The following RASSF8 variants were observed in gnomAD, a reference collection of about 807,000 sequenced individuals.
The protein encoded by RASSF8 is Ras association domain family member 8.
RASSF8 carries 22 observed loss-of-function variants against 48.5 expected under a neutral mutation model. The observed-to-expected ratio is 0.45, with a 90% CI of 0.32 to 0.65. RASSF8 has a LOEUF of 0.65. Among genes scored for constraint, RASSF8 ranks in the 30% least tolerant of loss-of-function variants. The pLI, the probability that RASSF8 is intolerant of heterozygous loss-of-function variation, is 0.03. For synonymous variants in RASSF8, 127 were observed against 171.5 expected, an observed-to-expected ratio of 0.74 and a Z score of 2.03; for missense variants, 418 against 489.2, an observed-to-expected ratio of 0.85 and a Z score of 1.37.
At chr12:26,066,660 C>T (rs952089193) in intron 4 of RASSF8, among the ~76,000 whole-genome samples, 2 of 152,186 alleles carry the variant, frequency 1.3e-5, no homozygotes, top group Non-Finnish European at 2.9e-5. Context: ...GCAAATCCCT[C>T]TACCCACTGA....
At chr12:26,025,905 ACATCT>A (rs1162926363) in intron 2 of RASSF8, among the ~76,000 whole-genome samples, 1 of 152,140 alleles carries the variant, frequency 6.6e-6, no homozygotes, top group Non-Finnish European at 1.5e-5. Flanking sequence ...AAAAAAAAAG[ACATCT>A]CATGTTCATG....
chr12:25,999,273 C>T (rs1426646901), intron 2 of RASSF8, among the ~76,000 whole-genome samples: 1 of 152,158 alleles, frequency 6.6e-6, no homozygotes, highest in Non-Finnish European at 1.5e-5. Context: ...ACTTTTTCCA[C>T]CAAACCATGC....
At position 26,069,989 on chromosome 12, in the gene RASSF8, T is replaced by C; in HGVS notation, c.*1171T>C. ...CCATTTGTACATATGTTATTTTATT[T>C]GTAAAACCAAATATGACTCAACACC... On this transcript the variant is annotated 3_prime_UTR_variant, in exon 6 of 6. Coordinates refer to ENST00000689635, the MANE Select transcript of RASSF8 (RefSeq NM_001394098.1). 1 of 976,178 alleles carries C rather than the reference T, an allele frequency of 1.0e-6. No homozygotes were observed. The highest frequency in any genetic ancestry group is 1.2e-6 in the Non-Finnish European group (1 of 821,498). The allele number at this position is 976,178 out of a possible 1,614,324, so 60.5% of individuals were successfully genotyped here. A position where few individuals can be genotyped will look rare whatever the true frequency, so the allele number is the denominator to read the frequency against.
chr12:26,060,401 A>G (rs1484258695), intron 3 of RASSF8, among the ~76,000 whole-genome samples: 2 of 152,198 alleles, frequency 1.3e-5, no homozygotes, highest in Non-Finnish European at 2.9e-5. Context: ...GGTAAGAGTT[A>G]TTTTAGTAGT....
At chr12:26,010,806 A>T (rs1942505130) in intron 2 of RASSF8, among the ~76,000 whole-genome samples, 1 of 152,006 alleles carries the variant, frequency 6.6e-6, no homozygotes, top group Non-Finnish European at 1.5e-5. Context: ...CTGAGGGACA[A>T]CGTGAGAGAC....
intron 2 of RASSF8, among the ~76,000 whole-genome samples, chr12:26,037,646 CA>C (rs1443596893): frequency 6.6e-6 from 1 of 152,184 alleles, no homozygotes; most frequent in Non-Finnish European, 1.5e-5. Context: ...AAGCTTAGCA[CA>C]GTGAATTCAG....
chr12:26,005,147 T>C (rs1942358143), intron 2 of RASSF8, among the ~76,000 whole-genome samples: 1 of 149,848 alleles, frequency 6.7e-6, no homozygotes, highest in Non-Finnish European at 1.5e-5. Context: ...TGTGTCTTTT[T>C]AAATTTTTAC....
intron 2 of RASSF8, among the ~76,000 whole-genome samples, chr12:26,041,681 A>G (rs1943269210): frequency 6.6e-6 from 1 of 152,180 alleles, no homozygotes; most frequent in Non-Finnish European, 1.5e-5. Context: ...AAACATATAT[A>G]TATACACACA....
chr12:25,974,386 C>T (rs1941555480), intron 1 of RASSF8, among the ~76,000 whole-genome samples: 1 of 151,926 alleles, frequency 6.6e-6, no homozygotes, highest in African/African-American at 2.4e-5. Context: ...TGGAAGTCCA[C>T]ATTGAATTGG....
At chr12:25,962,489 T>A (rs752585670) in intron 1 of RASSF8, among the ~76,000 whole-genome samples, 3 of 152,236 alleles carry the variant, frequency 2.0e-5, no homozygotes, top group Admixed American at 6.5e-5. Context: ...TAGGTTAATA[T>A]GAAGTTGATA....
intron 1 of RASSF8, among the ~76,000 whole-genome samples, chr12:25,988,792 A>G (rs2136937465): frequency 6.6e-6 from 1 of 152,276 alleles, no homozygotes; most frequent in East Asian, 1.9e-4. Flanking sequence ...ATGGGATGGG[A>G]TTCCATGGTA....
At chr12:26,004,470 A>G (rs939336139) in intron 2 of RASSF8, among the ~76,000 whole-genome samples, 13 of 152,310 alleles carry the variant, frequency 8.5e-5, no homozygotes, top group African/African-American at 4.8e-5. Context: ...AACTCTGCAT[A>G]TAACTCTTGA....
chr12:26,009,153 G>A (rs374197295), intron 2 of RASSF8, among the ~76,000 whole-genome samples: 37 of 152,270 alleles, frequency 2.4e-4, no homozygotes, highest in South Asian at 8.3e-4. Context: ...GCTCACCGAC[G>A]TGTTAGGATA....
intron 1 of RASSF8, among the ~76,000 whole-genome samples, chr12:25,967,264 C>A (rs748538692): frequency 6.6e-6 from 1 of 152,080 alleles, no homozygotes; most frequent in Non-Finnish European, 1.5e-5. Context: ...CCTACTCAGA[C>A]ATTCCTTCTC....
At chr12:25,966,014 T>G (rs1034149004) in intron 1 of RASSF8, among the ~76,000 whole-genome samples, 1 of 152,248 alleles carries the variant, frequency 6.6e-6, no homozygotes, top group Non-Finnish European at 1.5e-5. Context: ...AAGTATTGTA[T>G]AGACATATAC....
chr12:26,067,109 A>T (rs574534606), intron 4 of RASSF8, among the ~76,000 whole-genome samples: 2 of 152,374 alleles, frequency 1.3e-5, no homozygotes, highest in East Asian at 3.9e-4. Context: ...CTTTGTAGTT[A>T]TAAGTTAATA....
chr12:26,034,302 T>C (rs921698830), intron 2 of RASSF8, among the ~76,000 whole-genome samples: 2 of 151,876 alleles, frequency 1.3e-5, no homozygotes, highest in African/African-American at 4.8e-5. Flanking sequence ...AGCCCTATGG[T>C]CTGTCTAGGA....
intron 3 of RASSF8, among the ~76,000 whole-genome samples, chr12:26,061,404 A>G (rs1014494500): frequency 3.3e-5 from 5 of 152,184 alleles, no homozygotes; most frequent in Admixed American, 1.3e-4. Flanking sequence ...TTTCTTCAGT[A>G]TATAAATTTA....
In RASSF8 at chr12:25,986,058, A is replaced by G. The variant is rs549214805; in HGVS notation, c.-202-8979A>G. Among the ~76,000 whole-genome samples the G allele has an allele frequency of 5.3e-5, 8 of 152,320 alleles. No homozygotes were observed. The East Asian group carries it at 5.8e-4, about 11-fold the overall frequency. On this transcript the variant is annotated intron_variant, in intron 1 of 5. Coordinates refer to ENST00000689635, the MANE Select transcript of RASSF8 (RefSeq NM_001394098.1). ...GAAGTGTTTGGTGAAGTTTTTTTCT[A>G]TGCTGGCTTGTAGCAAGTGATTCTC... is the stretch of plus-strand genomic sequence containing the variant.
Sources: allele counts gnomAD v4.1 joint callset (sites outside exome capture counted in the v4.1 genomes callset), GRCh38; gene constraint gnomAD v4.1.1; transcripts MANE v1.5; gene names NCBI Gene and HGNC (gene_info 2026-07-23, HGNC 2026-07-21).